ACSM1: variants seen among roughly 807,000 people sequenced by gnomAD.
ACSM1 encodes the protein acyl-coenzyme A synthetase ACSM1, mitochondrial.
ACSM1 carries 79 observed loss-of-function variants against 75.8 expected under a neutral mutation model. That is an observed-to-expected ratio of 1.04 (90% confidence interval 0.87 to 1.26). The LOEUF (loss-of-function observed/expected upper bound fraction) is 1.26, where lower values mean the gene tolerates loss of function less well. Ranked by LOEUF, ACSM1 falls within the 50% of genes most tolerant of loss-of-function variation. The pLI is 0.00. For missense variants in ACSM1, 676 were observed against 720.1 expected (o/e 0.94, Z 0.70); for synonymous variants, 279 against 265.8 (o/e 1.05, Z -0.48).
intron 6 of ACSM1, among the ~76,000 whole-genome samples, 161 bp from the exon 7 acceptor site, chr16:20,662,034 A>G (rs2019328374): frequency 6.6e-6 from 1 of 152,234 alleles, no homozygotes; most frequent in South Asian, 2.1e-4. Flanking sequence ...CATACATGGT[A>G]TGCATCAGGT....
At position 20,623,414 on chromosome 16, in the gene ACSM1, C is replaced by T; in HGVS notation, c.*72G>A. ...ACTCTCAATGCCCCACCCTCGTCCT[C>T]ACCATAGTGGGGAGACTAAAGTGGC... On this transcript the variant is annotated 3_prime_UTR_variant, in exon 14 of 14. Coordinates refer to ENST00000520010, the MANE Select transcript of ACSM1 (RefSeq NM_001318890.3). 7.3e-7 allele frequency: 1 copy of T among 1,369,694 alleles called. No homozygotes were observed. 84.8% of individuals were successfully genotyped at this position (1,369,694 alleles called of 1,614,324 possible).
intron 1 of ACSM1, among the ~76,000 whole-genome samples, chr16:20,696,151 G>C (rs74011825): frequency 0.048 from 7,309 of 152,238 alleles, 591 homozygotes; most frequent in African/African-American, 0.17. Context: ...AGAAGACTAT[G>C]CTTTGTGGGT....
rs776711775 is a variant in ACSM1, at chr16:20,637,441, C to A, written c.1127G>T (p.Cys376Phe). 46 of 1,613,712 alleles carry A rather than the reference C, an allele frequency of 2.9e-5. 1 individual carries two copies. In the Admixed American group the frequency reaches 6.0e-4, roughly 21 times the overall value. The change falls in exon 9 of 14, where the codon TGT (cysteine) becomes TTT (phenylalanine). Residue 376 changes from cysteine to phenylalanine, a missense_variant. Transcript: ENST00000520010. ...NYGQSETGLI[C>F]ATYWGMKIKP... ...GATCTTCATTCCCCAGTAGGTGGCA[C>A]AAATTAGTCCCTGTTCACAAAAGAA...
intron 4 of ACSM1, chr16:20,679,109 C>T (rs796733652): frequency 6.6e-6 from 1 of 152,214 alleles, no homozygotes; most frequent in African/African-American, 2.4e-5. Flanking sequence ...AGGACCCATA[C>T]AGGATAGGCC....
At chr16:20,647,913 A>C (rs2018449061) in intron 7 of ACSM1, among the ~76,000 whole-genome samples, 2 of 152,156 alleles carry the variant, frequency 1.3e-5, no homozygotes, top group African/African-American at 4.8e-5. Context: ...ATAAATGCTA[A>C]ACTATCACAG....
Position 20,671,677 on chromosome 16 carries a change from A to G in ACSM1, c.612-6T>C. 7.1e-6 allele frequency: 11 copies of G among 1,544,230 alleles called. No individual in the cohort carries two copies. Among genetic ancestry groups the G allele is most frequent in the Non-Finnish European group, 9.6e-6 (11 of 1,143,450 alleles). ...TGTGTTCTGGGGATGCTGATCTGCA[A>G]AGGGGTTCAAGACAAAAGGAAAAAA... On this transcript the variant is annotated splice_region_variant and splice_polypyrimidine_tract_variant and intron_variant, in intron 4 of 13. Transcript: ENST00000520010.
intron 1 of ACSM1, among the ~76,000 whole-genome samples, chr16:20,695,578 CCTAT>C (rs1375296916): frequency 2.8e-5 from 4 of 142,766 alleles, no homozygotes; most frequent in Non-Finnish European, 4.6e-5. Flanking sequence ...CTATCTATTA[CCTAT>C]CTATTATCTA....
chr16:20,682,156 T>C lies in ACSM1; in HGVS notation c.611+100A>G. 3.4e-6 allele frequency: 4 copies of C among 1,180,844 alleles called. No homozygotes were observed. The East Asian group carries it at 1.0e-4, about 30-fold the overall frequency. The allele number at this position is 1,180,844 out of a possible 1,614,324, so 73.1% of individuals were successfully genotyped here. ...ATCTGACTGGGCTGGTGCACCTAAA[T>C]AATAAATACATCCTCCTCAACCCCA... On this transcript the variant is annotated intron_variant, in intron 4 of 13. Coordinates refer to ENST00000520010, the MANE Select transcript of ACSM1 (RefSeq NM_001318890.3).
chr16:20,655,424 A>T (rs1045054210), intron 7 of ACSM1, among the ~76,000 whole-genome samples: 3 of 151,712 alleles, frequency 2.0e-5, no homozygotes, highest in East Asian at 1.9e-4. Context: ...TAAAATAAAA[A>T]AAGAAAGAGG....
chr16:20,636,562 C>T (rs760043111), intron 10 of ACSM1, among the ~76,000 whole-genome samples, 177 bp downstream of exon 10: 5 of 152,132 alleles, frequency 3.3e-5, no homozygotes, highest in Non-Finnish European at 5.9e-5. Flanking sequence ...CCCAAAAGTT[C>T]CAGGTGGGTT....
chr16:20,693,514 T>C (rs925081158), intron 1 of ACSM1, among the ~76,000 whole-genome samples: 3 of 152,204 alleles, frequency 2.0e-5, no homozygotes, highest in Non-Finnish European at 4.4e-5. Context: ...AACATTTAAG[T>C]TCCCTCTTGC....
chr16:20,674,182 G>A (rs1244882031), intron 4 of ACSM1: 2 of 405,964 alleles, frequency 4.9e-6, no homozygotes, highest in Non-Finnish European at 1.0e-5. Flanking sequence ...TTGCCCCAGA[G>A]GAAGAGAAAG....
chr16:20,636,726 G>T lies in ACSM1; in HGVS notation c.1299+13C>A. ...CCTTGGGGCCAGGATGGGGGCAGATGGGGGGTCATTACCTCATAGCACATG... is the reference window on the plus strand; with the variant it reads ...CCTTGGGGCCAGGATGGGGGCAGATTGGGGGTCATTACCTCATAGCACATG... On this transcript the variant is annotated intron_variant, in intron 10 of 13. Coordinates refer to ENST00000520010, the MANE Select transcript of ACSM1 (RefSeq NM_001318890.3). 6.2e-7 allele frequency: 1 copy of T among 1,603,330 alleles called. No individual in the cohort carries two copies. The highest frequency in any genetic ancestry group is 8.5e-7 in the Non-Finnish European group (1 of 1,170,320).
intron 7 of ACSM1, among the ~76,000 whole-genome samples, chr16:20,656,717 T>C (rs1047234249): frequency 6.6e-6 from 1 of 152,136 alleles, no homozygotes; most frequent in Non-Finnish European, 1.5e-5. Context: ...TGAAACTCAT[T>C]TGACATCCCG....
intron 10 of ACSM1, among the ~76,000 whole-genome samples, 156 bp from the exon 11 acceptor site, chr16:20,627,472 C>T (rs780020625): frequency 2.6e-5 from 4 of 152,110 alleles, no homozygotes; most frequent in African/African-American, 4.8e-5. Context: ...TTACATGTAG[C>T]GCATGATGCA....
At chr16:20,669,287 A>T (rs2019745805) in intron 6 of ACSM1, among the ~76,000 whole-genome samples, 1 of 152,112 alleles carries the variant, frequency 6.6e-6, no homozygotes. Flanking sequence ...AGACTTTATG[A>T]GGTAGTAATT....
intron 6 of ACSM1, among the ~76,000 whole-genome samples, chr16:20,664,468 T>A (rs1179427699): frequency 2.6e-5 from 4 of 152,186 alleles, no homozygotes; most frequent in African/African-American, 9.7e-5. Flanking sequence ...CCGTCCTGAA[T>A]ATATGCACAC....
In ACSM1 at chr16:20,636,738, C is replaced by G; in HGVS notation, c.1299+1G>C. 1 of 1,613,198 alleles carries G rather than the reference C, an allele frequency of 6.2e-7. No individual in the cohort carries two copies. The highest frequency in any genetic ancestry group is 8.5e-7 in the Non-Finnish European group (1 of 1,179,212). ...GATGGGGGCAGATGGGGGGTCATTA[C>G]CTCATAGCACATGAAGAGGCTCACA... On this transcript the variant is annotated splice_donor_variant, in intron 10 of 13. Transcript: ENST00000520010. LOFTEE classifies it high-confidence loss of function.
rs922366318 is a variant in ACSM1 at position 20,648,143 on chromosome 16, A to G, written c.993-7559T>C. On this transcript the variant is annotated intron_variant, in intron 7 of 13. Coordinates refer to ENST00000520010, the MANE Select transcript of ACSM1 (RefSeq NM_001318890.3). This position sits in a 1 kb window ranked among gnomAD's most constrained non-coding sequence, Gnocchi z 4.2. ...CCCACCACCTGGTGTTGGGCCTGATAACCCCAACATTTCTATGCCTTTCTC... is the reference window on the plus strand; with the variant it reads ...CCCACCACCTGGTGTTGGGCCTGATGACCCCAACATTTCTATGCCTTTCTC... 1.3e-5 allele frequency among the ~76,000 whole-genome samples: 2 copies of G among 152,144 alleles called. No homozygotes were observed. The highest frequency in any genetic ancestry group is 4.8e-5 in the African/African-American group (2 of 41,414).
Sources: gnomAD v4.1 joint callset for allele counts (sites outside exome capture counted in the v4.1 genomes callset) on GRCh38, gnomAD v4.1.1 for gene constraint, Gnocchi (gnomAD v3.1) non-coding constraint, MANE v1.5 for transcripts, NCBI Gene and HGNC (gene_info 2026-07-23, HGNC 2026-07-21) for gene names.